The following TRIP12 variants were observed in gnomAD, a reference collection of about 807,000 sequenced individuals.
The protein encoded by TRIP12 is thyroid hormone receptor interactor 12.
In TRIP12, 25 loss-of-function variants were observed where a neutral mutation model predicts 244.2. The observed-to-expected ratio is 0.10, with a 90% CI of 0.07 to 0.14. TRIP12 has a LOEUF of 0.14. TRIP12 is among the 10% of genes least tolerant of loss of function. The pLI, the probability that TRIP12 is intolerant of heterozygous loss-of-function variation, is 1.00. For missense variants in TRIP12, 1,677 were observed against 2,486.4 expected (o/e 0.67, Z 6.92); for synonymous variants, 905 against 873.1 (o/e 1.04, Z -0.64).
chr2:229,776,021 G>A (rs1475331901), intron 37 of TRIP12, among the ~76,000 whole-genome samples: 4 of 152,124 alleles, frequency 2.6e-5, no homozygotes, highest in Non-Finnish European at 4.4e-5. Flanking sequence ...CTGCATTTGA[G>A]ACAAGCATAT....
chr2:229,908,324 C>T (rs945781931), intron 1 of TRIP12, among the ~76,000 whole-genome samples: 36 of 152,100 alleles, frequency 2.4e-4, no homozygotes, highest in African/African-American at 8.7e-4. Flanking sequence ...TCAAGGTGGG[C>T]AAATATATAC....
chr2:229,803,699 G>C lies in TRIP12; in HGVS notation c.2880-10C>G. 1 of 1,572,932 alleles carries C rather than the reference G, an allele frequency of 6.4e-7. No homozygotes were observed. Among genetic ancestry groups the C allele is most frequent in the Non-Finnish European group, 8.7e-7 (1 of 1,156,054 alleles). On this transcript the variant is annotated splice_polypyrimidine_tract_variant and intron_variant, in intron 19 of 41. Coordinates refer to ENST00000675903, the MANE Select transcript of TRIP12 (RefSeq NM_001348323.3). ...CATGGAAGCAATGTGACTAAAAAAA[G>C]AAAGCATTTGTATATAAAACTCTGC...
chr2:229,891,673 T>C (rs831374), intron 1 of TRIP12, among the ~76,000 whole-genome samples: 70,479 of 152,084 alleles, frequency 0.46, 17,296 homozygotes, highest in East Asian at 0.68. Context: ...TTTTCTAGTA[T>C]CAGCTAGGTT....
At chr2:229,872,104 T>TTA (rs1553724070) in intron 2 of TRIP12, among the ~76,000 whole-genome samples, 5 of 105,278 alleles carry the variant, frequency 4.7e-5, no homozygotes, top group Admixed American at 1.1e-4. Context: ...ACAGATATTG[T>TTA]AAAAAAAAAA....
intron 1 of TRIP12, among the ~76,000 whole-genome samples, chr2:229,903,323 C>T (rs2071624868): frequency 6.6e-6 from 1 of 152,058 alleles, no homozygotes; most frequent in Non-Finnish European, 1.5e-5. Flanking sequence ...AAACAAACCC[C>T]AATCTGTTTA....
chr2:229,831,674 C>T (rs371223659), intron 6 of TRIP12, among the ~76,000 whole-genome samples: 10 of 152,166 alleles, frequency 6.6e-5, no homozygotes, highest in African/African-American at 2.2e-4. Flanking sequence ...ACTAAAGTGT[C>T]AAAACTAGTG....
intron 5 of TRIP12, among the ~76,000 whole-genome samples, chr2:229,838,621 CT>C (rs2055487386): frequency 6.6e-6 from 1 of 152,104 alleles, no homozygotes; most frequent in Non-Finnish European, 1.5e-5. Flanking sequence ...TCGCATATGG[CT>C]TAAAATTAAT....
chr2:229,881,139 T>C (rs1012418421), intron 1 of TRIP12, among the ~76,000 whole-genome samples: 1 of 152,218 alleles, frequency 6.6e-6, no homozygotes, highest in Non-Finnish European at 1.5e-5. Flanking sequence ...GTACGTTACC[T>C]ACCTCAACAG....
intron 38 of TRIP12, 29 bp downstream of exon 38, chr2:229,774,068 G>A (rs1373194663): frequency 6.2e-7 from 1 of 1,602,492 alleles, no homozygotes; most frequent in East Asian, 2.2e-5. Context: ...TTCACAACTG[G>A]CCTACCCCCC....
chr2:229,874,821 A>G (rs1468826329), intron 2 of TRIP12, among the ~76,000 whole-genome samples: 1 of 152,208 alleles, frequency 6.6e-6, no homozygotes, highest in Non-Finnish European at 1.5e-5. Context: ...CTCAATATGC[A>G]CTGTTTATAT....
intron 1 of TRIP12, among the ~76,000 whole-genome samples, chr2:229,880,541 T>C (rs1027116589): frequency 6.6e-6 from 1 of 152,254 alleles, no homozygotes; most frequent in Non-Finnish European, 1.5e-5. Flanking sequence ...AGTTTGCCTT[T>C]GTACAAATCA....
chr2:229,849,436 G>A (rs898821474), intron 4 of TRIP12, among the ~76,000 whole-genome samples: 1 of 152,054 alleles, frequency 6.6e-6, no homozygotes, highest in African/African-American at 2.4e-5. Flanking sequence ...GAACACAACA[G>A]GGATCAAACA....
At chr2:229,810,037 T>C (rs2046879191) in intron 15 of TRIP12, among the ~76,000 whole-genome samples, 2 of 152,170 alleles carry the variant, frequency 1.3e-5, no homozygotes, top group South Asian at 2.1e-4. Context: ...AAAGGTATTC[T>C]ATACAAAAGT....
Position 229,789,627 on chromosome 2 carries a change from C to A in TRIP12, c.4679G>T (p.Trp1560Leu). 2 of 1,613,706 alleles carry A rather than the reference C, an allele frequency of 1.2e-6. No homozygotes were observed. Among genetic ancestry groups the A allele is most frequent in the Non-Finnish European group, 1.7e-6 (2 of 1,179,792 alleles). Residue 1560 changes from tryptophan (W) to leucine (L), a missense_variant, in exon 31 of 42, where the codon TGG becomes TTG. Transcript: ENST00000675903. ...LRVLHAISRY[W>L]YYLYDNAMCK... ...ATTACTCACATCATACAAGTAATAC[C>A]AGTATCGACTGATAGCATGTAAAAC...
At chr2:229,825,304 A>T (rs565664248) in intron 8 of TRIP12, among the ~76,000 whole-genome samples, 3 of 152,294 alleles carry the variant, frequency 2.0e-5, no homozygotes, top group Admixed American at 2.0e-4. Context: ...TCAACTTTTA[A>T]AAGTCTAGAA....
At chr2:229,781,230 A>G (rs1403100940) in intron 34 of TRIP12, among the ~76,000 whole-genome samples, 1 of 152,172 alleles carries the variant, frequency 6.6e-6, no homozygotes, top group Non-Finnish European at 1.5e-5. Flanking sequence ...TACACCACTA[A>G]AAGTGTAGGT....
chr2:229,851,545 G>A lies in TRIP12; in HGVS notation c.1027+7227C>T, dbSNP rs180895018. On this transcript the variant is annotated intron_variant, in intron 4 of 41. Coordinates refer to ENST00000675903, the MANE Select transcript of TRIP12 (RefSeq NM_001348323.3). ...CTGCCCGAGCCAGCAGTGGCAACCC[G>A]CTCGGGTCCCCTTCCACACTGGAAG... Among the ~76,000 whole-genome samples the A allele has an allele frequency of 7.4e-3, 1,131 of 152,222 alleles. 49 individuals are homozygous for A. Among genetic ancestry groups the A allele is most frequent in the Admixed American group, 0.065 (993 of 15,292 alleles).
rs146856057 is a variant in TRIP12 at position 229,911,873 on chromosome 2, G to GA, written c.-50+10006dup. On this transcript the variant is annotated intron_variant, in intron 1 of 41. Transcript: ENST00000675903. ...TTTATCCCAGAGTCAGTAATGGCTA[G>GA]AAAAAAAAAACCAGAAGTATTTAAA... Among the ~76,000 whole-genome samples, 99 of 146,858 alleles carry GA rather than the reference G, an allele frequency of 6.7e-4. 1 individual carries two copies. Among genetic ancestry groups the GA allele is most frequent in the South Asian group, 1.7e-3 (8 of 4,640 alleles).
chr2:229,822,826 AATTG>A (rs1186001342), intron 8 of TRIP12, among the ~76,000 whole-genome samples: 2 of 152,216 alleles, frequency 1.3e-5, no homozygotes, highest in African/African-American at 4.8e-5. Flanking sequence ...AGATGGACAA[AATTG>A]ATTAAGAATA....
Sources: gnomAD v4.1 joint callset for allele counts (sites outside exome capture counted in the v4.1 genomes callset) on GRCh38, gnomAD v4.1.1 for gene constraint, MANE v1.5 for transcripts, NCBI Gene and HGNC (gene_info 2026-07-23, HGNC 2026-07-21) for gene names.